Variants in DGKH observed in about 807,000 individuals in gnomAD.
DGKH encodes the protein DAG kinase eta.
Under a neutral mutation model 159.3 loss-of-function variants are expected in DGKH, and 90 were observed. The observed-to-expected ratio is 0.57, with a 90% confidence interval of 0.48 to 0.67. The LOEUF (loss-of-function observed/expected upper bound fraction) is 0.67. Ranked by LOEUF, DGKH falls within the 30% of genes least tolerant of loss-of-function variation. The pLI, the probability that DGKH is intolerant of heterozygous loss-of-function variation, is 0.00. For synonymous variants in DGKH, 536 were observed against 553.8 expected (o/e 0.97, Z 0.45); for missense variants, 1,181 against 1,506.1 (o/e 0.78, Z 3.57).
chr13:42,240,250 G>C lies in DGKH; in HGVS notation c.*11062G>C, dbSNP rs1958491352. 1 of 152,224 alleles carries C rather than the reference G, an allele frequency of 6.6e-6. No homozygotes were observed. Among genetic ancestry groups the C allele is most frequent in the African/African-American group, 2.4e-5 (1 of 41,456 alleles). The allele number at this position is 152,224 out of a possible 1,614,324, so 9.4% of individuals were successfully genotyped here. A position where few individuals can be genotyped will look rare whatever the true frequency, so the allele number is the denominator to read the frequency against. On this transcript the variant is annotated 3_prime_UTR_variant, in exon 30 of 30. Coordinates refer to ENST00000337343, the MANE Select transcript of DGKH (RefSeq NM_178009.5). ...CCACATGAAAGTCCACATGAGGTAAGTGTGCATTCATGAGCATGTGTGCAC... is the reference window on the plus strand; with the variant it reads ...CCACATGAAAGTCCACATGAGGTAACTGTGCATTCATGAGCATGTGTGCAC...
At chr13:42,157,215 A>G (rs546616443) in intron 5 of DGKH, among the ~76,000 whole-genome samples, 17 of 152,292 alleles carry the variant, frequency 1.1e-4, no homozygotes, top group Non-Finnish European at 1.6e-4. Context: ...TTAGTAATCT[A>G]AAAGGATTCA....
intron 1 of DGKH, among the ~76,000 whole-genome samples, chr13:42,074,880 A>T (rs1954066347): frequency 1.3e-5 from 2 of 152,190 alleles, no homozygotes. Context: ...GGAAAAATAG[A>T]ATTGGAATTT....
At chr13:42,186,350 A>G (rs1956928259) in intron 13 of DGKH, among the ~76,000 whole-genome samples, 1 of 152,206 alleles carries the variant, frequency 6.6e-6, no homozygotes, top group Admixed American at 6.5e-5. Context: ...AGCCTTTCAA[A>G]AGGCAGATTT....
intron 20 of DGKH, 49 bp from the exon 21 acceptor site, chr13:42,205,990 T>G: frequency 1.7e-6 from 2 of 1,186,716 alleles, no homozygotes; most frequent in Non-Finnish European, 2.2e-6. Flanking sequence ...CTAGTGGTTC[T>G]GCTCTTTTTA....
At chr13:42,066,427 A>G (rs1311661276) in intron 1 of DGKH, 1 of 152,134 alleles carries the variant, frequency 6.6e-6, no homozygotes, top group Admixed American at 6.5e-5. Flanking sequence ...CTTTACTGCA[A>G]TTTGCTGACA....
At chr13:42,053,971 G>A (rs1881563887) in intron 1 of DGKH, among the ~76,000 whole-genome samples, 1 of 152,112 alleles carries the variant, frequency 6.6e-6, no homozygotes, top group African/African-American at 2.4e-5. Flanking sequence ...TTCTTCAATT[G>A]ATATCTTGGT....
At chr13:42,197,108 G>A (rs1024698596) in intron 17 of DGKH, among the ~76,000 whole-genome samples, 1 of 151,874 alleles carries the variant, frequency 6.6e-6, no homozygotes, top group Non-Finnish European at 1.5e-5. Context: ...AAATTAGCCA[G>A]GCATGCTGGC....
intron 1 of DGKH, among the ~76,000 whole-genome samples, chr13:42,060,378 T>C (rs1882064728): frequency 1.3e-5 from 2 of 152,220 alleles, no homozygotes; most frequent in African/African-American, 4.8e-5. Context: ...TCGGTCTTTT[T>C]CTAGCCTGTA....
At chr13:42,130,273 C>G (rs1187172360) in intron 3 of DGKH, among the ~76,000 whole-genome samples, 1 of 152,194 alleles carries the variant, frequency 6.6e-6, no homozygotes, top group African/African-American at 2.4e-5. Context: ...CATGCCTATG[C>G]TTTTCCTGTT....
chr13:42,169,667 C>G (rs920361449), intron 11 of DGKH, among the ~76,000 whole-genome samples: 1 of 152,124 alleles, frequency 6.6e-6, no homozygotes, highest in Non-Finnish European at 1.5e-5. Flanking sequence ...AGGGAGCCAC[C>G]AATCTGAAAT....
chr13:42,127,742 G>A (rs920987380), intron 2 of DGKH, among the ~76,000 whole-genome samples, 169 bp downstream of exon 2: 4 of 152,178 alleles, frequency 2.6e-5, no homozygotes, highest in African/African-American at 4.8e-5. Context: ...GTCTATTTGA[G>A]TCAGTCCCAT....
In DGKH at chr13:42,230,197, A is replaced by T. The variant is rs1318199629; in HGVS notation, c.*1009A>T. 1 of 149,700 alleles carries T rather than the reference A, an allele frequency of 6.7e-6. No homozygotes were observed. Among genetic ancestry groups the T allele is most frequent in the African/African-American group, 2.4e-5 (1 of 41,036 alleles). The allele number at this position is 149,700 out of a possible 1,614,324, so 9.3% of individuals were successfully genotyped here. On this transcript the variant is annotated 3_prime_UTR_variant, in exon 30 of 30. Coordinates refer to ENST00000337343, the MANE Select transcript of DGKH (RefSeq NM_178009.5). ...ATTCTATTTGAATTTATAATATAGT[A>T]AAGTGTTGATATCCAGGAATTCCCT...
chr13:42,225,010 C>T (rs1958085732), intron 29 of DGKH, among the ~76,000 whole-genome samples: 1 of 152,148 alleles, frequency 6.6e-6, no homozygotes, highest in Admixed American at 6.6e-5. Context: ...CAGCCTCAAC[C>T]TCCTGAGCTC....
At chr13:42,063,948 A>AAATAT (rs1555256374) in intron 1 of DGKH, among the ~76,000 whole-genome samples, 8 of 128,804 alleles carry the variant, frequency 6.2e-5, no homozygotes, top group African/African-American at 2.1e-4. Flanking sequence ...TGAAAAAAAA[A>AAATAT]ATATATATAT....
intron 23 of DGKH, among the ~76,000 whole-genome samples, chr13:42,209,949 C>G (rs1398292904): frequency 6.6e-6 from 1 of 151,648 alleles, no homozygotes; most frequent in East Asian, 1.9e-4. Context: ...TATGGTCTAC[C>G]TGTTCATCCC....
chr13:42,224,068 T>A (rs1010129358), intron 29 of DGKH, among the ~76,000 whole-genome samples: 1 of 152,206 alleles, frequency 6.6e-6, no homozygotes, highest in Non-Finnish European at 1.5e-5. Context: ...GCAAAAGACA[T>A]GTTTTCATTC....
intron 3 of DGKH, among the ~76,000 whole-genome samples, chr13:42,136,351 C>A (rs1955402863): frequency 6.6e-6 from 1 of 152,130 alleles, no homozygotes; most frequent in African/African-American, 2.4e-5. Context: ...ATATTAATAA[C>A]TATGACTGGG....
chr13:42,097,492 T>G (rs1954564963), intron 1 of DGKH, among the ~76,000 whole-genome samples: 1 of 152,176 alleles, frequency 6.6e-6, no homozygotes, highest in African/African-American at 2.4e-5. Context: ...TTTTTAACTC[T>G]TTTCTCTCAA....
Position 42,048,909 on chromosome 13 carries a change from G to T in DGKH, c.136G>T (p.Glu46Ter). ...TTCGTCTGACAGCGAAGCGGAGCAA[G>T]AGGGACCCCAGAAACTGATCCGCAA... Reference protein sequence around the residue: ...EDSSDSEAEQEGPQKLIRKVS... With the variant: ...EDSSDSEAEQ The change falls in exon 1 of 30, where the codon GAG becomes TAG. Residue 46 changes from glutamate to a stop codon, truncating the protein, a stop_gained. Coordinates refer to ENST00000337343, the MANE Select transcript of DGKH (RefSeq NM_178009.5). LOFTEE classifies it high-confidence loss of function. The surrounding 1 kb of genome is among the most constrained non-coding windows in gnomAD (Gnocchi z 6.7). The T allele has an allele frequency of 7.4e-7, 1 of 1,357,990 alleles. No individual in the cohort carries two copies. The highest frequency in any genetic ancestry group is 9.5e-7 in the Non-Finnish European group (1 of 1,048,398). 84.1% of individuals were successfully genotyped at this position (1,357,990 alleles called of 1,614,324 possible). A position where few individuals can be genotyped will look rare whatever the true frequency, so the allele number is the denominator to read the frequency against.
Sources: allele counts gnomAD v4.1 joint callset (sites outside exome capture counted in the v4.1 genomes callset), GRCh38; gene constraint gnomAD v4.1.1; non-coding constraint Gnocchi (gnomAD v3.1); transcripts MANE v1.5; gene names NCBI Gene and HGNC (gene_info 2026-07-23, HGNC 2026-07-21).